Variants in IKZF4 observed in about 807,000 individuals in gnomAD.
IKZF4 encodes the protein IKAROS family zinc finger 4.
IKZF4 carries 11 observed loss-of-function variants against 47.7 expected under a neutral mutation model. The ratio of observed to expected loss-of-function variants is 0.23; its 90% CI spans 0.15 to 0.38. IKZF4 has a LOEUF of 0.38. IKZF4 is among the 10% of genes least tolerant of loss of function. The probability of loss-of-function intolerance (pLI) is 1.00; values close to 1 mark genes in which losing one functional copy is unlikely to be tolerated. For missense variants in IKZF4, 557 were observed against 784.9 expected (o/e 0.71, Z 3.47); for synonymous variants, 298 against 299.4 (o/e 1.00, Z 0.05).
At position 56,014,734 on chromosome 12, in the gene IKZF4, C is replaced by G. The variant is rs372000738; in HGVS notation, c.-214+3240C>G. Among the ~76,000 whole-genome samples, 84 of 152,064 alleles carry G rather than the reference C, an allele frequency of 5.5e-4. No homozygotes were observed. In the South Asian group the frequency reaches 0.017, roughly 30 times the overall value. On this transcript the variant is annotated intron_variant, in intron 2 of 11. Coordinates refer to the IKZF4 transcript ENST00000262032. ...ACTGCTTGAACCCGGGAGCCAAACT[C>G]ATGCCACTGCACTCCAGCCTGGGCA...
At chr12:56,009,020 C>T (rs1211957532) in intron 1 of IKZF4, among the ~76,000 whole-genome samples, 1 of 152,152 alleles carries the variant, frequency 6.6e-6, no homozygotes, top group Non-Finnish European at 1.5e-5. Flanking sequence ...TCCCTTCTCT[C>T]ATGAACAAAA....
At chr12:56,009,042 T>C (rs888886355) in intron 1 of IKZF4, among the ~76,000 whole-genome samples, 1 of 152,186 alleles carries the variant, frequency 6.6e-6, no homozygotes, top group Non-Finnish European at 1.5e-5. Flanking sequence ...TGTCTATTGT[T>C]GTTACTCTTG....
chr12:56,032,029 G>T (rs1253644756), intron 5 of IKZF4, among the ~76,000 whole-genome samples: 1 of 152,106 alleles, frequency 6.6e-6, no homozygotes, highest in Admixed American at 6.6e-5. Context: ...AATGAAAACT[G>T]CCCCCTCCCC....
rs371473043 is a variant in IKZF4, at chr12:56,034,999, G to C, written c.1426G>C (p.Gly476Arg). ...RVAGVVSLPQ[G>R]PPPQPPPTIV... ...TGCGGGGGTGGTATCCCTCCCTCAGGGTCCCCCACCCCAGCCACCTCCCAC... is the reference window on the plus strand; with the variant it reads ...TGCGGGGGTGGTATCCCTCCCTCAGCGTCCCCCACCCCAGCCACCTCCCAC... The change falls in exon 8 of 8, where the codon GGT becomes CGT. Residue 476 changes from glycine to arginine, a missense_variant. Transcript: ENST00000547167. The C allele has an allele frequency of 6.4e-7, 1 of 1,556,418 alleles. No individual in the cohort carries two copies. The highest frequency in any genetic ancestry group is 1.4e-5 in the African/African-American group (1 of 73,550).
intron 6 of IKZF4, 125 bp from the exon 7 acceptor site, chr12:56,033,065 G>T: frequency 1.7e-6 from 2 of 1,174,468 alleles, no homozygotes; most frequent in Non-Finnish European, 2.4e-6. Context: ...ACAGAGCCCA[G>T]TTTCCCAGGC....
intron 6 of IKZF4, 114 bp from the exon 7 acceptor site, chr12:56,033,076 A>G (rs1179986082): frequency 7.8e-7 from 1 of 1,283,100 alleles, no homozygotes; most frequent in South Asian, 1.4e-5. Flanking sequence ...TTTCCCAGGC[A>G]ACTGGTATGT....
intron 2 of IKZF4, among the ~76,000 whole-genome samples, chr12:56,015,121 G>C (rs1395508212): frequency 6.6e-6 from 1 of 152,186 alleles, no homozygotes; most frequent in Non-Finnish European, 1.5e-5. Context: ...TTGTCGCCCA[G>C]GCTGGAGTGC....
upstream of IKZF4, among the ~76,000 whole-genome samples, chr12:56,017,489 A>C (rs1008912801): frequency 6.6e-6 from 1 of 152,026 alleles, no homozygotes; most frequent in African/African-American, 2.4e-5. Context: ...TGAGGTATAG[A>C]GCCTCTAAGG....
At chr12:56,014,636 A>G (rs1371830014) in intron 2 of IKZF4, among the ~76,000 whole-genome samples, 1 of 152,228 alleles carries the variant, frequency 6.6e-6, no homozygotes, top group Non-Finnish European at 1.5e-5. Flanking sequence ...ACCTGATGTT[A>G]GAACCAGGGA....
chr12:56,017,385 C>A (rs1701705), upstream of IKZF4, among the ~76,000 whole-genome samples: 141,196 of 151,828 alleles, frequency 0.93, 66,507 homozygotes, highest in East Asian at 1. Context: ...TCCATCTTCT[C>A]CTTTTCCTGT....
intron 5 of IKZF4, 70 bp downstream of exon 5, chr12:56,028,017 C>A (rs993097257): frequency 6.9e-7 from 1 of 1,442,282 alleles, no homozygotes; most frequent in Non-Finnish European, 9.2e-7. Flanking sequence ...TCAGTGACTT[C>A]TCTTGTATTT....
chr12:56,025,251 G>T, intron 3 of IKZF4, 93 bp downstream of exon 3: 1 of 1,329,324 alleles, frequency 7.5e-7, no homozygotes, highest in Non-Finnish European at 1.0e-6. Flanking sequence ...TTTCCCCATC[G>T]TCACCTCCTG....
intron 1 of IKZF4, 109 bp downstream of exon 1, chr12:56,021,689 T>G: frequency 1.3e-5 from 3 of 231,566 alleles, no homozygotes; most frequent in Non-Finnish European, 1.2e-5. Flanking sequence ...GGATGGGGGC[T>G]GTGTGTGTGT....
At chr12:56,015,585 G>C (rs2131569) in intron 2 of IKZF4, among the ~76,000 whole-genome samples, 14,169 of 151,926 alleles carry the variant, frequency 0.093, 774 homozygotes, top group African/African-American at 0.14. Flanking sequence ...TAGTAGAGAT[G>C]GGGTTTCACC....
chr12:56,009,460 T>C (rs965009232), intron 1 of IKZF4, among the ~76,000 whole-genome samples: 3 of 152,148 alleles, frequency 2.0e-5, no homozygotes, highest in Non-Finnish European at 4.4e-5. Context: ...TCTTGCTTTA[T>C]GGTTTGCAGG....
At position 56,021,455 on chromosome 12, in the gene IKZF4, G is replaced by A; in HGVS notation, c.-39G>A. The A allele has an allele frequency of 6.4e-7, 1 of 1,566,058 alleles. No homozygotes were observed. The highest frequency in any genetic ancestry group is 8.6e-7 in the Non-Finnish European group (1 of 1,156,382). On this transcript the variant is annotated 5_prime_UTR_variant, in exon 1 of 8. In the 5' UTR this introduces an upstream ATG that the reference lacks. Coordinates refer to ENST00000547167, the MANE Select transcript of IKZF4 (RefSeq NM_022465.4). The stretch of plus-strand genomic sequence containing the variant: ...GGAATCCACGCTTCCTGGAAGGTGA[G>A]TGGCTGGGCTCACCCCTGCCTGCCA...
chr12:56,023,570 C>A, intron 1 of IKZF4, 101 bp from the exon 2 acceptor site: 4 of 1,370,294 alleles, frequency 2.9e-6, no homozygotes, highest in Non-Finnish European at 4.0e-6. Flanking sequence ...TTTCCTCAGG[C>A]TTTGACGGGA....
chr12:56,025,241 T>C, intron 3 of IKZF4, 83 bp downstream of exon 3: 2 of 1,395,960 alleles, frequency 1.4e-6, no homozygotes, highest in Non-Finnish European at 1.9e-6. Flanking sequence ...CTGGCAACCA[T>C]TTCCCCATCG....
chr12:56,033,644 T>C (rs1015369860), intron 7 of IKZF4, among the ~76,000 whole-genome samples: 12 of 152,120 alleles, frequency 7.9e-5, no homozygotes, highest in Admixed American at 6.5e-4. Context: ...GAGGCGGAGC[T>C]TGCAGTGAGC....
Sources: gnomAD v4.1 joint callset for allele counts (sites outside exome capture counted in the v4.1 genomes callset) on GRCh38, gnomAD v4.1.1 for gene constraint, MANE v1.5 for transcripts, NCBI Gene and HGNC (gene_info 2026-07-23, HGNC 2026-07-21) for gene names.